IL1RAPL1: variants seen among roughly 807,000 people sequenced by gnomAD.
IL1RAPL1 encodes interleukin-1 receptor accessory protein-like 1.
A neutral mutation model predicts 48.4 loss-of-function variants in IL1RAPL1; 3 were observed. The observed-to-expected ratio is 0.06, with a 90% CI of 0.03 to 0.16. The LOEUF is 0.16. Ranked by LOEUF, IL1RAPL1 falls within the 10% of genes least tolerant of loss-of-function variation. IL1RAPL1 has a pLI of 1.00. For synonymous variants in IL1RAPL1, 185 were observed against 187.7 expected (o/e 0.99, Z 0.12); for missense variants, 349 against 530.6 (o/e 0.66, Z 3.36).
chrX:29,063,669 T>C (rs1927389157), intron 2 of IL1RAPL1, among the ~76,000 whole-genome samples: 1 of 111,798 alleles, frequency 8.9e-6, no homozygotes, highest in Admixed American at 9.5e-5. Context: ...CCTTACACTC[T>C]TGACAATATC....
At chrX:28,655,719 C>T (rs369064558) in intron 1 of IL1RAPL1, among the ~76,000 whole-genome samples, 78 of 112,189 alleles carry the variant, frequency 7.0e-4, no homozygotes, top group African/African-American at 2.3e-3. Context: ...GGTAACTCAA[C>T]TAGCCTCAGA....
At chrX:29,046,385 G>A (rs1926972140) in intron 2 of IL1RAPL1, among the ~76,000 whole-genome samples, 1 of 111,105 alleles carries the variant, frequency 9.0e-6, no homozygotes, top group Admixed American at 9.6e-5. Context: ...TGATGTACTT[G>A]TGAAACATGG....
At chrX:28,873,656 C>T (rs1372710158) in intron 2 of IL1RAPL1, among the ~76,000 whole-genome samples, 7 of 106,760 alleles carry the variant, frequency 6.6e-5, no homozygotes, top group African/African-American at 2.4e-4. Context: ...CTCAGCCTCC[C>T]AAGTAGCTGG....
intron 6 of IL1RAPL1, among the ~76,000 whole-genome samples, chrX:29,840,960 ACATT>A (rs1175675338): frequency 8.9e-6 from 1 of 112,376 alleles, no homozygotes; most frequent in Admixed American, 9.4e-5. Flanking sequence ...CGTTTTGTGA[ACATT>A]TATTAAAGAA....
intron 6 of IL1RAPL1, among the ~76,000 whole-genome samples, chrX:29,913,818 A>G (rs887635397): frequency 9.0e-6 from 1 of 111,194 alleles, no homozygotes; most frequent in Non-Finnish European, 1.9e-5. Context: ...CATTTTCCAC[A>G]TGCCATACAT....
chrX:29,826,288 A>G (rs1331259341), intron 6 of IL1RAPL1, among the ~76,000 whole-genome samples: 1 of 111,769 alleles, frequency 8.9e-6, no homozygotes, highest in African/African-American at 3.2e-5. Flanking sequence ...AGTGTAACAG[A>G]AGGAGGGCTT....
At chrX:29,009,956 G>T (rs781161690) in intron 2 of IL1RAPL1, among the ~76,000 whole-genome samples, 68 of 111,605 alleles carry the variant, frequency 6.1e-4, no homozygotes, top group African/African-American at 2.0e-3. Flanking sequence ...AGTTCTCCTT[G>T]TAAAGATATT....
chrX:29,062,530 C>T (rs965456602), intron 2 of IL1RAPL1, among the ~76,000 whole-genome samples: 3 of 111,706 alleles, frequency 2.7e-5, no homozygotes, highest in African/African-American at 9.7e-5. Flanking sequence ...AAGCAAAATG[C>T]GTAGAGACAT....
rs1163489149 is a variant in IL1RAPL1 at position 29,449,927 on chromosome X, CA to C, written c.703+50630del. ...GGAAGGAAATAATTTAAAAATGGAC[CA>C]AAAAAAAAAACAGTCAGGAGAAGAA... On this transcript the variant is annotated intron_variant, in intron 5 of 10. Transcript: ENST00000378993. Among the ~76,000 whole-genome samples, 191 of 95,706 alleles carry C rather than the reference CA, an allele frequency of 2.0e-3. 2 individuals are homozygous for C. The South Asian group carries it at 0.029, about 14-fold the overall frequency. 83.1% of individuals were successfully genotyped at this position (95,706 alleles called of 115,157 possible).
chrX:29,680,898 G>A (rs1324302423), intron 6 of IL1RAPL1, among the ~76,000 whole-genome samples: 2 of 111,850 alleles, frequency 1.8e-5, no homozygotes, highest in South Asian at 3.7e-4. Context: ...CTCTAAGCCT[G>A]CAGAGTATGT....
At chrX:29,901,789 TAAATC>T (rs1349469716) in intron 6 of IL1RAPL1, among the ~76,000 whole-genome samples, 1 of 112,117 alleles carries the variant, frequency 8.9e-6, no homozygotes, top group Non-Finnish European at 1.9e-5. Context: ...AAGAGTTAAA[TAAATC>T]AAGAAAGGAT....
intron 1 of IL1RAPL1, among the ~76,000 whole-genome samples, chrX:28,749,118 A>G (rs1483222778): frequency 8.9e-6 from 1 of 112,146 alleles, no homozygotes; most frequent in African/African-American, 3.2e-5. Context: ...GTTAAATAGT[A>G]TTCGATTCTG....
intron 2 of IL1RAPL1, among the ~76,000 whole-genome samples, chrX:28,809,497 T>C (rs915182364): frequency 9.1e-6 from 1 of 110,386 alleles, no homozygotes. Context: ...CCAAGCAGGA[T>C]AGTGAGTACC....
intron 2 of IL1RAPL1, among the ~76,000 whole-genome samples, chrX:28,928,312 C>G (rs1923798926): frequency 9.0e-6 from 1 of 111,685 alleles, no homozygotes; most frequent in Admixed American, 9.6e-5. Flanking sequence ...TAGACTGTTA[C>G]AATTATTTCC....
chrX:28,882,260 GAC>G (rs1922520101), intron 2 of IL1RAPL1, among the ~76,000 whole-genome samples: 1 of 111,293 alleles, frequency 9.0e-6, no homozygotes. Flanking sequence ...AAACCTTGCA[GAC>G]CGGAAGGGAG....
rs144099061 is a variant in IL1RAPL1 at position 29,293,679 on chromosome X, C to G, written c.362+10462C>G. Among the ~76,000 whole-genome samples, 887 of 111,143 alleles carry G rather than the reference C, an allele frequency of 8.0e-3. 11 individuals are homozygous for G. Among genetic ancestry groups the G allele is most frequent in the African/African-American group, 0.028 (849 of 30,621 alleles). On this transcript the variant is annotated intron_variant, in intron 3 of 10. Transcript: ENST00000378993. The stretch of plus-strand genomic sequence containing the variant: ...ACATTACTGAAAATCTAGGACATGA[C>G]ATAATTGGTAATTATAATGAGGGAA...
At chrX:28,882,107 G>A (rs1261677865) in intron 2 of IL1RAPL1, among the ~76,000 whole-genome samples, 1 of 109,721 alleles carries the variant, frequency 9.1e-6, no homozygotes, top group Non-Finnish European at 1.9e-5. Context: ...AGAAAGTCAG[G>A]TACAAAGAGA....
intron 2 of IL1RAPL1, among the ~76,000 whole-genome samples, chrX:29,207,918 A>G (rs1480424676): frequency 8.9e-6 from 1 of 112,051 alleles, no homozygotes; most frequent in Non-Finnish European, 1.9e-5. Context: ...CTTGGGTTTT[A>G]TAAATACATA....
intron 2 of IL1RAPL1, among the ~76,000 whole-genome samples, chrX:29,197,217 T>A (rs1930461387): frequency 8.9e-6 from 1 of 112,265 alleles, no homozygotes; most frequent in Non-Finnish European, 1.9e-5. Flanking sequence ...ATCTGAAAGT[T>A]ATCATTCTTG....
Sources: allele counts gnomAD v4.1 joint callset (sites outside exome capture counted in the v4.1 genomes callset), GRCh38; gene constraint gnomAD v4.1.1; transcripts MANE v1.5; gene names NCBI Gene and HGNC (gene_info 2026-07-23, HGNC 2026-07-21).